Variants in PGM1 observed in about 807,000 individuals in gnomAD.
The protein encoded by PGM1 is phosphoglucomutase 1, also known as phosphoglucomutase-1.
A neutral mutation model predicts 55.6 loss-of-function variants in PGM1; 52 were observed. The observed-to-expected ratio is 0.94, with a 90% CI of 0.75 to 1.18. The LOEUF (loss-of-function observed/expected upper bound fraction) is 1.18, where lower values mean the gene tolerates loss of function less well. PGM1 is among the 50% of genes most tolerant of loss of function. The pLI is 0.00. For missense variants in PGM1, 724 were observed against 729.3 expected (o/e 0.99, Z 0.08); for synonymous variants, 287 against 271.7 (o/e 1.06, Z -0.55).
chr1:63,647,413 C>T (rs1481805183), intron 7 of PGM1, among the ~76,000 whole-genome samples: 1 of 147,644 alleles, frequency 6.8e-6, no homozygotes, highest in African/African-American at 2.5e-5. Flanking sequence ...AGTAGTTTTA[C>T]ACTATAGAAA....
intron 4 of PGM1, 27 bp downstream of exon 4, chr1:63,631,809 C>T (rs763422891): frequency 1.2e-6 from 2 of 1,608,788 alleles, no homozygotes; most frequent in South Asian, 1.1e-5. Flanking sequence ...TTTCAATTCC[C>T]ATCTCTTGAG....
At chr1:63,614,145 A>C (rs1420381297) in intron 1 of PGM1, among the ~76,000 whole-genome samples, 1 of 152,190 alleles carries the variant, frequency 6.6e-6, no homozygotes, top group African/African-American at 2.4e-5. Flanking sequence ...ACATGATCTC[A>C]TATAGTCTTT....
intron 1 of PGM1, among the ~76,000 whole-genome samples, chr1:63,603,800 G>A (rs1648307780): frequency 6.6e-6 from 1 of 152,208 alleles, no homozygotes; most frequent in African/African-American, 2.4e-5. Flanking sequence ...ACTTTGAGAA[G>A]CACGTGGGGA....
chr1:63,651,353 G>C (rs1649801994), intron 8 of PGM1: 1 of 325,736 alleles, frequency 3.1e-6, no homozygotes, highest in Admixed American at 4.5e-5. Flanking sequence ...TCAGGATGTG[G>C]TGACTAAATG....
In PGM1 at chr1:63,639,540, A is replaced by C. The variant is rs530496850; in HGVS notation, c.1144+740A>C. ...CCTGTATCAGTCTCTCTTTCCTAAA[A>C]GTCTGTTCAGGTGTGTGGCCCTGTC... On this transcript the variant is annotated intron_variant, in intron 7 of 10. Transcript: ENST00000371084. 1.3e-3 allele frequency among the ~76,000 whole-genome samples: 205 copies of C among 152,058 alleles called. 1 individual carries two copies. The highest frequency in any genetic ancestry group is 2.6e-3 in the Admixed American group (40 of 15,274).
intron 10 of PGM1, 37 bp from the exon 11 acceptor site, chr1:63,659,549 G>A (rs767801144): frequency 9.2e-6 from 14 of 1,515,844 alleles, no homozygotes; most frequent in Non-Finnish European, 1.3e-5. Context: ...GTGTTTAGAG[G>A]AAGTGATGGA....
chr1:63,650,789 A>G (rs1236641982), intron 8 of PGM1, among the ~76,000 whole-genome samples: 1 of 152,162 alleles, frequency 6.6e-6, no homozygotes, highest in African/African-American at 2.4e-5. Context: ...TTTGTGATGC[A>G]CTTTTTTCCT....
chr1:63,654,099 T>TG (rs1649891654), intron 9 of PGM1, among the ~76,000 whole-genome samples: 1 of 152,012 alleles, frequency 6.6e-6, no homozygotes, highest in Admixed American at 6.6e-5. Flanking sequence ...TGAGGTCAGG[T>TG]CTCCCCTGAC....
At chr1:63,630,670 A>G (rs1043752535) in intron 3 of PGM1, among the ~76,000 whole-genome samples, 1 of 152,222 alleles carries the variant, frequency 6.6e-6, no homozygotes, top group East Asian at 1.9e-4. Flanking sequence ...AACTCCCTAC[A>G]TAGGCAGCTG....
In PGM1 at chr1:63,660,150, G is replaced by T. The variant is rs1432536928; in HGVS notation, c.*475G>T. On this transcript the variant is annotated 3_prime_UTR_variant, in exon 11 of 11. Transcript: ENST00000371084. ...TTCTGTCCAATCAGTTCTTTCCTCT[G>T]AGTGAGACGTACTTGGCTACAGATT... The T allele has an allele frequency of 5.5e-6, 1 of 182,634 alleles. No individual in the cohort carries two copies. The highest frequency in any genetic ancestry group is 1.2e-5 in the Non-Finnish European group (1 of 84,196). 11.3% of individuals were successfully genotyped at this position (182,634 alleles called of 1,614,324 possible).
chr1:63,640,619 G>A (rs1649490317), intron 7 of PGM1, among the ~76,000 whole-genome samples: 1 of 152,172 alleles, frequency 6.6e-6, no homozygotes, highest in African/African-American at 2.4e-5. Flanking sequence ...CCTTGGTCAA[G>A]AGGGATCAGA....
At position 63,593,801 on chromosome 1, in the gene PGM1, C is replaced by T. The variant is rs11584276; in HGVS notation, c.246+67C>T. ...GTGTGCGACGTGCGGCCCGCGGCGC[C>T]CTCCCTCGCTCGGGGCCGGCCGCTT... On this transcript the variant is annotated intron_variant, in intron 1 of 10. Transcript: ENST00000371084. The T allele has an allele frequency of 0.1, 148,574 of 1,468,652 alleles. 8,157 individuals are homozygous for T. The highest frequency in any genetic ancestry group is 0.11 in the Non-Finnish European group (122,019 of 1,117,002). The allele number at this position is 1,468,652 out of a possible 1,614,324, so 91.0% of individuals were successfully genotyped here.
intron 1 of PGM1, among the ~76,000 whole-genome samples, chr1:63,615,719 G>A (rs1481140426): frequency 1.3e-5 from 2 of 151,642 alleles, no homozygotes; most frequent in East Asian, 3.9e-4. Flanking sequence ...CTGCCACCAT[G>A]CCTGGCTAAT....
intron 1 of PGM1, among the ~76,000 whole-genome samples, chr1:63,614,739 CA>C (rs140479444): frequency 0.016 from 2,366 of 152,262 alleles, 47 homozygotes; most frequent in African/African-American, 0.054. Context: ...TGACCTCGGA[CA>C]GATGACATAA....
intron 1 of PGM1, among the ~76,000 whole-genome samples, chr1:63,604,526 C>G (rs1226269438): frequency 1.3e-5 from 2 of 152,090 alleles, no homozygotes; most frequent in Non-Finnish European, 2.9e-5. Flanking sequence ...TCACAATCCA[C>G]TGGGAAGATC....
At chr1:63,629,854 T>A in intron 2 of PGM1, 88 bp from the exon 3 acceptor site, 1 of 1,403,480 alleles carries the variant, frequency 7.1e-7, no homozygotes. Flanking sequence ...GTAGATGTGC[T>A]AGTGAAGAGG....
At chr1:63,656,396 A>G (rs995188798) in intron 10 of PGM1, among the ~76,000 whole-genome samples, 19 of 152,244 alleles carry the variant, frequency 1.2e-4, no homozygotes, top group Non-Finnish European at 2.4e-4. Context: ...AAAGTTAAAA[A>G]TATTTTAGTA....
intron 1 of PGM1, among the ~76,000 whole-genome samples, chr1:63,620,827 T>G (rs1648862409): frequency 6.6e-6 from 1 of 152,154 alleles, no homozygotes; most frequent in Non-Finnish European, 1.5e-5. Context: ...TTAAATGTAA[T>G]TTGTGTCATT....
Position 63,654,058 on chromosome 1 carries a change from G to A in PGM1, c.1465-274G>A, listed in dbSNP as rs372223833. Among the ~76,000 whole-genome samples the A allele has an allele frequency of 9.2e-5, 14 of 152,268 alleles. No homozygotes were observed. In the East Asian group the frequency reaches 1.5e-3, roughly 17 times the overall value. On this transcript the variant is annotated intron_variant, in intron 9 of 10. Transcript: ENST00000371084. ...CATAAATCACAGGGAAGTGGGGAGA[G>A]GAGGGAAGCCCTCACATCACCCAGC...
Sources: allele counts gnomAD v4.1 joint callset (sites outside exome capture counted in the v4.1 genomes callset), GRCh38; gene constraint gnomAD v4.1.1; transcripts MANE v1.5; gene names NCBI Gene and HGNC (gene_info 2026-07-23, HGNC 2026-07-21).